Variants in ZNF346 observed in about 807,000 individuals in gnomAD.
ZNF346 encodes the protein zinc finger protein 346, also known as double-stranded RNA-binding zinc finger protein JAZ.
ZNF346 carries 23 observed loss-of-function variants against 33.7 expected under a neutral mutation model. The ratio of observed to expected loss-of-function variants is 0.68; its 90% CI spans 0.49 to 0.97. The LOEUF is 0.97. Ranked by LOEUF, ZNF346 falls within the 50% of genes least tolerant of loss-of-function variation. The pLI is 0.00. For missense variants in ZNF346, 340 were observed against 371.1 expected (o/e 0.92, Z 0.69); for synonymous variants, 134 against 142.4 (o/e 0.94, Z 0.42).
At chr5:177,080,658 A>G (rs1320114249) in exon 9 of ZNF346, 3 of 152,190 alleles carry the variant, frequency 2.0e-5, no homozygotes, top group Non-Finnish European at 2.9e-5. Flanking sequence ...AAATACAAAA[A>G]TTAGCTGGGC....
At chr5:177,056,244 A>G (rs1056407847) in intron 5 of ZNF346, among the ~76,000 whole-genome samples, 2 of 152,120 alleles carry the variant, frequency 1.3e-5, no homozygotes, top group South Asian at 2.1e-4. Flanking sequence ...ATAAAAATCT[A>G]AAAAGAATCT....
At chr5:177,035,977 T>C (rs1178318467) in intron 1 of ZNF346, among the ~76,000 whole-genome samples, 1 of 148,996 alleles carries the variant, frequency 6.7e-6, no homozygotes, top group Non-Finnish European at 1.5e-5. Flanking sequence ...TTTTTTTCCC[T>C]CTGTGGGCCT....
At chr5:177,041,928 G>C in intron 3 of ZNF346, 58 bp downstream of exon 3, 1 of 1,198,696 alleles carries the variant, frequency 8.3e-7, no homozygotes, top group Non-Finnish European at 1.2e-6. Context: ...CCAGCAGGTT[G>C]GTGTGGTGAA....
In ZNF346 at chr5:177,023,006, G is replaced by A. The variant is rs368656652; in HGVS notation, c.175+93G>A. On this transcript the variant is annotated intron_variant, in intron 1 of 6. Coordinates refer to ENST00000358149, the MANE Select transcript of ZNF346 (RefSeq NM_012279.4). Reference sequence around the variant, plus strand: ...CGCCGACGGTCACACCCCCTGGCCCGCCTCCTTGCGTGCTGCGCCCCGGGA... The same window carrying A: ...CGCCGACGGTCACACCCCCTGGCCCACCTCCTTGCGTGCTGCGCCCCGGGA... The A allele has an allele frequency of 3.6e-4, 526 of 1,441,448 alleles. No homozygotes were observed. The African/African-American group carries it at 7.0e-3, about 19-fold the overall frequency. The allele number at this position is 1,441,448 out of a possible 1,614,324, so 89.3% of individuals were successfully genotyped here.
At chr5:177,023,248 A>C (rs749008104) in intron 1 of ZNF346, 33 of 1,523,616 alleles carry the variant, frequency 2.2e-5, no homozygotes, top group Non-Finnish European at 2.7e-5. Flanking sequence ...AGCCAAGCCG[A>C]GTGCCCCTCA....
At chr5:177,045,759 G>A (rs998535978) in intron 4 of ZNF346, among the ~76,000 whole-genome samples, 2 of 151,634 alleles carry the variant, frequency 1.3e-5, no homozygotes, top group African/African-American at 4.8e-5. Flanking sequence ...CCAGAGTGCT[G>A]GGATTACAGG....
rs1780755513 is a variant in ZNF346 at position 177,050,816 on chromosome 5, A to G, written c.583A>G (p.Asn195Asp). The G allele has an allele frequency of 6.2e-7, 1 of 1,614,064 alleles. No homozygotes were observed. Among genetic ancestry groups the G allele is most frequent in the Non-Finnish European group, 8.5e-7 (1 of 1,180,016 alleles). Reference sequence around the variant, plus strand: ...CTGCAGCCTCTGCCATGCAACTTTCAACGACCCTGTCATGGCTCAACAACA... The same window carrying G: ...CTGCAGCCTCTGCCATGCAACTTTCGACGACCCTGTCATGGCTCAACAACA... The part of the protein sequence containing the change: ...KFCSLCHATF[N>D]DPVMAQQHYV... The change falls in exon 5 of 7, where the codon AAC (asparagine) becomes GAC (aspartate). Residue 195 changes from asparagine to aspartate, a missense_variant. Asn to Asp is a conservative substitution (Grantham distance 23, BLOSUM62 1). Coordinates refer to ENST00000358149, the MANE Select transcript of ZNF346 (RefSeq NM_012279.4).
intron 3 of ZNF346, 137 bp downstream of exon 3, chr5:177,042,007 A>C: frequency 1.8e-6 from 1 of 548,974 alleles, no homozygotes; most frequent in Non-Finnish European, 3.3e-6. Context: ...TTACTTCACA[A>C]AGCCTTGATT....
At chr5:177,027,843 C>G in intron 1 of ZNF346, among the ~76,000 whole-genome samples, 1 of 151,384 alleles carries the variant, frequency 6.6e-6, no homozygotes, top group Non-Finnish European at 1.5e-5. Context: ...GGGTCTTGCT[C>G]TGTTGCCCAG....
chr5:177,058,422 GA>G (rs1199522518), intron 5 of ZNF346, among the ~76,000 whole-genome samples: 1 of 151,904 alleles, frequency 6.6e-6, no homozygotes, highest in East Asian at 2.0e-4. Context: ...AGTGAGCCGA[GA>G]TCACGCCATT....
intron 4 of ZNF346, among the ~76,000 whole-genome samples, chr5:177,047,994 T>C (rs1341093760): frequency 1.3e-5 from 2 of 152,172 alleles, no homozygotes; most frequent in African/African-American, 4.8e-5. Context: ...TTTCCCCATG[T>C]TATTAAAAAA....
intron 4 of ZNF346, among the ~76,000 whole-genome samples, chr5:177,049,765 G>C (rs912472957): frequency 6.6e-6 from 1 of 152,154 alleles, no homozygotes; most frequent in African/African-American, 2.4e-5. Flanking sequence ...TGAATAATGT[G>C]GCAAAGTGAT....
intron 5 of ZNF346, among the ~76,000 whole-genome samples, chr5:177,055,401 G>C (rs774402616): frequency 6.6e-6 from 1 of 152,016 alleles, no homozygotes; most frequent in Non-Finnish European, 1.5e-5. Context: ...AAAAGAACTT[G>C]AGAAAGTTAC....
At chr5:177,073,873 G>A (rs949448165) in intron 8 of ZNF346, among the ~76,000 whole-genome samples, 3 of 151,984 alleles carry the variant, frequency 2.0e-5, no homozygotes, top group Non-Finnish European at 4.4e-5. Context: ...AACTAGTCTT[G>A]TGAGTTGCTT....
chr5:177,063,631 G>T (rs939136572), intron 6 of ZNF346, among the ~76,000 whole-genome samples: 6 of 152,154 alleles, frequency 3.9e-5, no homozygotes, highest in African/African-American at 1.4e-4. Context: ...AGTGTTGTTC[G>T]CTGCTCTCTT....
At chr5:177,031,693 C>G (rs1422376358) in intron 1 of ZNF346, among the ~76,000 whole-genome samples, 2 of 152,036 alleles carry the variant, frequency 1.3e-5, no homozygotes, top group Non-Finnish European at 2.9e-5. Context: ...TTTCTACTCT[C>G]TCTCTCTTCT....
intron 1 of ZNF346, among the ~76,000 whole-genome samples, chr5:177,034,203 C>CTTTTTTTTT (rs34082036): frequency 7.0e-6 from 1 of 142,880 alleles, no homozygotes; most frequent in Non-Finnish European, 1.5e-5. Context: ...TCCTTTCTTT[C>CTTTTTTTTT]TTTTTTTTTT....
intron 6 of ZNF346, among the ~76,000 whole-genome samples, chr5:177,063,233 C>T (rs1782759297): frequency 1.3e-5 from 2 of 152,278 alleles, no homozygotes; most frequent in East Asian, 1.9e-4. Flanking sequence ...TAGAAGAATT[C>T]CCATTTTACA....
chr5:177,066,239 G>T lies in ZNF346; in HGVS notation c.*1640G>T, dbSNP rs1250039928. Among the ~76,000 whole-genome samples, 1 of 151,400 alleles carries T rather than the reference G, an allele frequency of 6.6e-6. No individual in the cohort carries two copies. Among genetic ancestry groups the T allele is most frequent in the Non-Finnish European group, 1.5e-5 (1 of 67,920 alleles). On this transcript the variant is annotated 3_prime_UTR_variant, in exon 7 of 7. Coordinates refer to ENST00000358149, the MANE Select transcript of ZNF346 (RefSeq NM_012279.4). ...AGGTCTTTAAAGGGTTTAAGCTGGG[G>T]ATCTGCTTTATGTTTGAGAGAACTG...
Sources: allele counts gnomAD v4.1 joint callset (sites outside exome capture counted in the v4.1 genomes callset), GRCh38; gene constraint gnomAD v4.1.1; transcripts MANE v1.5; gene names NCBI Gene and HGNC (gene_info 2026-07-23, HGNC 2026-07-21).